Variants in CACNA1C observed in about 807,000 individuals in gnomAD.
CACNA1C encodes calcium voltage-gated channel subunit alpha1 C, also known as voltage-dependent L-type calcium channel subunit alpha-1C.
CACNA1C carries 30 observed loss-of-function variants against 229.0 expected under a neutral mutation model. The ratio of observed to expected loss-of-function variants is 0.13; its 90% CI spans 0.10 to 0.18. The LOEUF (loss-of-function observed/expected upper bound fraction) is 0.18, where lower values mean the gene tolerates loss of function less well. Among genes scored for constraint, CACNA1C ranks in the 10% least tolerant of loss-of-function variants. The pLI is 1.00. For missense variants in CACNA1C, 1,658 were observed against 2,845.0 expected (o/e 0.58, Z 9.49); for synonymous variants, 1,114 against 1,132.5 (o/e 0.98, Z 0.33).
intron 3 of CACNA1C, among the ~76,000 whole-genome samples, chr12:2,400,687 C>T (rs1265157977): frequency 6.6e-6 from 1 of 152,138 alleles, no homozygotes; most frequent in Non-Finnish European, 1.5e-5. Context: ...TTGAAGCATT[C>T]TTCCCTCTTA....
intron 3 of CACNA1C, among the ~76,000 whole-genome samples, chr12:2,186,063 G>A (rs930352779): frequency 3.9e-5 from 6 of 152,180 alleles, no homozygotes; most frequent in South Asian, 4.1e-4. Context: ...AGGTGGCTAC[G>A]GCCAGACTCG....
chr12:2,462,029 T>C (rs1348245642), intron 5 of CACNA1C, among the ~76,000 whole-genome samples: 6 of 152,114 alleles, frequency 3.9e-5, no homozygotes, highest in Non-Finnish European at 8.8e-5. Flanking sequence ...CAAAGTCCCA[T>C]AGGCCCTGCG....
At chr12:2,409,637 T>C (rs1173928282) in intron 3 of CACNA1C, among the ~76,000 whole-genome samples, 1 of 152,250 alleles carries the variant, frequency 6.6e-6, no homozygotes, top group Non-Finnish European at 1.5e-5. Context: ...GTTTGTCTGT[T>C]GTTCCCCTTG....
chr12:2,418,595 T>C (rs2154555474), intron 3 of CACNA1C, among the ~76,000 whole-genome samples: 1 of 151,954 alleles, frequency 6.6e-6, no homozygotes, highest in Non-Finnish European at 1.5e-5. Context: ...TCTTGTGTTA[T>C]GTTCCAGTTA....
chr12:2,297,650 G>A (rs1366933157), intron 3 of CACNA1C, among the ~76,000 whole-genome samples: 1 of 152,206 alleles, frequency 6.6e-6, no homozygotes, highest in Non-Finnish European at 1.5e-5. Flanking sequence ...GACATCGAAA[G>A]CATTCCATTG....
chr12:2,674,958 T>G (rs1414285840), intron 39 of CACNA1C, among the ~76,000 whole-genome samples: 1 of 152,184 alleles, frequency 6.6e-6, no homozygotes, highest in Non-Finnish European at 1.5e-5. Context: ...TGGCAGAACT[T>G]CTAAAGAAAC....
At chr12:2,497,646 C>T (rs1252140729) in intron 7 of CACNA1C, among the ~76,000 whole-genome samples, 1 of 152,162 alleles carries the variant, frequency 6.6e-6, no homozygotes, top group Non-Finnish European at 1.5e-5. Context: ...TGGGACCACC[C>T]TCTTCCTGAC....
chr12:2,040,706 C>T (rs1263291076), intron 1 of CACNA1C, among the ~76,000 whole-genome samples: 2 of 152,126 alleles, frequency 1.3e-5, no homozygotes, highest in African/African-American at 4.8e-5. Context: ...CAGGTTGGAC[C>T]AAGAAAGATT....
intron 11 of CACNA1C, among the ~76,000 whole-genome samples, chr12:2,559,715 C>T (rs775442421): frequency 6.6e-6 from 1 of 152,218 alleles, no homozygotes; most frequent in African/African-American, 2.4e-5. Flanking sequence ...CCCAGGGGCT[C>T]TGCTGCCAAT....
chr12:2,580,776 G>C lies in CACNA1C; in HGVS notation c.1896-814G>C, dbSNP rs565830546. Among the ~76,000 whole-genome samples, 4 of 152,314 alleles carry C rather than the reference G, an allele frequency of 2.6e-5. No individual in the cohort carries two copies. The South Asian group carries it at 8.3e-4, about 32-fold the overall frequency. The stretch of plus-strand genomic sequence containing the variant: ...TGAAAGCCCATGTCCCCTCAGGACC[G>C]AGCTCCTGCCCACTCAGAGGACTCG... On this transcript the variant is annotated intron_variant, in intron 13 of 46. Coordinates refer to ENST00000399655, the MANE Select transcript of CACNA1C (RefSeq NM_000719.7).
At chr12:2,256,090 C>CTATCCTGACCTGACTAGTTTACAATCA (rs142296568) in intron 3 of CACNA1C, among the ~76,000 whole-genome samples, 3 of 34,920 alleles carry the variant, frequency 8.6e-5, no homozygotes, top group South Asian at 8.9e-4. Flanking sequence ...TACAATCACA[C>CTATCCTGACCTGACTAGTTTACAATCA]CTCCTGTTTC....
At chr12:2,518,672 T>C (rs1013166035) in intron 9 of CACNA1C, among the ~76,000 whole-genome samples, 5 of 151,082 alleles carry the variant, frequency 3.3e-5, no homozygotes, top group African/African-American at 7.3e-5. Context: ...TACAACACAA[T>C]CCCATGTCAT....
At chr12:2,412,442 A>G (rs766602382) in intron 3 of CACNA1C, among the ~76,000 whole-genome samples, 17 of 152,208 alleles carry the variant, frequency 1.1e-4, no homozygotes, top group Non-Finnish European at 2.2e-4. Flanking sequence ...TGCTTAAACC[A>G]TGGTCTCCAG....
Position 2,679,894 on chromosome 12 carries a change from G to C in CACNA1C, c.5444+98G>C. ...AGACGGAGGCCTCGGCCAGCCACTT[G>C]TCCCTCAAGCTTCCAGGAGGTTGCT... On this transcript the variant is annotated intron_variant, in intron 42 of 46. Coordinates refer to ENST00000399655, the MANE Select transcript of CACNA1C (RefSeq NM_000719.7). This position sits in a 1 kb window ranked among gnomAD's most constrained non-coding sequence, Gnocchi z 5.5. 1 of 876,142 alleles carries C rather than the reference G, an allele frequency of 1.1e-6. No individual in the cohort carries two copies. Among genetic ancestry groups the C allele is most frequent in the Non-Finnish European group, 1.7e-6 (1 of 573,736 alleles). 54.3% of individuals were successfully genotyped at this position (876,142 alleles called of 1,614,324 possible).
At chr12:2,273,678 G>C (rs779526598) in intron 3 of CACNA1C, among the ~76,000 whole-genome samples, 6 of 152,244 alleles carry the variant, frequency 3.9e-5, no homozygotes, top group Non-Finnish European at 7.3e-5. Context: ...CAGATAGACG[G>C]AGGGGTGTTC....
chr12:2,685,203 C>G (rs989146772), intron 43 of CACNA1C, among the ~76,000 whole-genome samples: 3 of 151,542 alleles, frequency 2.0e-5, no homozygotes, highest in Non-Finnish European at 2.9e-5. Context: ...AAGCCATAGA[C>G]TAGATGCCCC....
At chr12:2,457,513 C>A in intron 4 of CACNA1C, 54 bp from the exon 5 acceptor site, 1 of 1,571,856 alleles carries the variant, frequency 6.4e-7, no homozygotes, top group Non-Finnish European at 8.7e-7. Context: ...AGAGCCCCAG[C>A]TGGGCAAAAG....
chr12:2,395,670 T>G (rs1259303125), intron 3 of CACNA1C, among the ~76,000 whole-genome samples: 1 of 152,174 alleles, frequency 6.6e-6, no homozygotes, highest in Non-Finnish European at 1.5e-5. Context: ...AACCAGATTT[T>G]CCAGGCTAGA....
intron 3 of CACNA1C, among the ~76,000 whole-genome samples, chr12:2,286,904 C>T (rs780617159): frequency 1.3e-5 from 2 of 152,246 alleles, no homozygotes; most frequent in African/African-American, 2.4e-5. Context: ...CTCCCTTACT[C>T]ATGTGCCCCA....
Sources: gnomAD v4.1 joint callset for allele counts (sites outside exome capture counted in the v4.1 genomes callset) on GRCh38, gnomAD v4.1.1 for gene constraint, Gnocchi (gnomAD v3.1) non-coding constraint, MANE v1.5 for transcripts, NCBI Gene and HGNC (gene_info 2026-07-23, HGNC 2026-07-21) for gene names.